Variants in PTGDR observed in about 807,000 individuals in gnomAD.
PTGDR encodes the protein prostaglandin D2 receptor.
Under a neutral mutation model 17.4 loss-of-function variants are expected in PTGDR, and 19 were observed. The observed-to-expected ratio is 1.09, with a 90% CI of 0.76 to 1.60. The LOEUF is 1.60. Among genes scored for constraint, PTGDR ranks in the 40% most tolerant of loss-of-function variants. The pLI, the probability that PTGDR is intolerant of heterozygous loss-of-function variation, is 0.00. For synonymous variants in PTGDR, 267 were observed against 224.2 expected, an observed-to-expected ratio of 1.19 and a Z score of -1.71; for missense variants, 526 against 481.9, an observed-to-expected ratio of 1.09 and a Z score of -0.86.
chr14:52,267,774 C>T lies in PTGDR; in HGVS notation c.-41C>T. The T allele has an allele frequency of 6.6e-7, 1 of 1,504,788 alleles. No individual in the cohort carries two copies. Among genetic ancestry groups the T allele is most frequent in the Non-Finnish European group, 8.9e-7 (1 of 1,129,066 alleles). 93.2% of individuals were successfully genotyped at this position (1,504,788 alleles called of 1,614,324 possible). A position where few individuals can be genotyped will look rare whatever the true frequency, so the allele number is the denominator to read the frequency against. On this transcript the variant is annotated 5_prime_UTR_variant, in exon 1 of 2. Transcript: ENST00000306051. ...AGCACCCGGGCGCCGGGGCCCTCGC[C>T]CTTCCGCAGCCTTCACTCCAGCCCT...
chr14:52,268,592 G>A lies in PTGDR; in HGVS notation c.778G>A (p.Glu260Lys). The change falls in exon 1 of 2, where the codon GAG becomes AAG. Residue 260 changes from glutamate to lysine, a missense_variant. By Grantham distance (56) the Glu-to-Lys change is moderately conservative (BLOSUM62 1). Coordinates refer to ENST00000306051, the MANE Select transcript of PTGDR (RefSeq NM_000953.3). ...GGAAGCGTCCCCTCAGCCCCTGGAG[G>A]AGCTGGATCACCTCCTGCTGCTGGC... Reference protein sequence around the residue: ...GREASPQPLEELDHLLLLALM... With the variant: ...GREASPQPLEKLDHLLLLALM... The A allele has an allele frequency of 6.2e-7, 1 of 1,611,228 alleles. No individual in the cohort carries two copies. Among genetic ancestry groups the A allele is most frequent in the Non-Finnish European group, 8.5e-7 (1 of 1,178,886 alleles).
chr14:52,277,555 C>A (rs1315387359), downstream of PTGDR, among the ~76,000 whole-genome samples: 1 of 152,186 alleles, frequency 6.6e-6, no homozygotes, highest in Non-Finnish European at 1.5e-5. Flanking sequence ...GTTCCCCTGG[C>A]GAGTTCGTAA....
At chr14:52,280,672 T>C (rs1001961000), downstream of PTGDR, among the ~76,000 whole-genome samples, 1 of 152,230 alleles carries the variant, frequency 6.6e-6, no homozygotes, top group African/African-American at 2.4e-5. Context: ...GCATATCTGA[T>C]TGTTTCCTCT....
intron 1 of PTGDR, among the ~76,000 whole-genome samples, chr14:52,274,166 C>T (rs930059226): frequency 4.7e-5 from 7 of 150,250 alleles, no homozygotes; most frequent in African/African-American, 1.7e-4. Context: ...GTATTTTTTT[C>T]CAAGTCATCT....
In PTGDR at chr14:52,268,071, C is replaced by T. The variant is rs201361583; in HGVS notation, c.257C>T (p.Ala86Val). The T allele has an allele frequency of 6.2e-7, 1 of 1,613,226 alleles. No homozygotes were observed. Among genetic ancestry groups the T allele is most frequent in the East Asian group, 2.2e-5 (1 of 44,874 alleles). The change falls in exon 1 of 2, where the codon GCC (alanine) becomes GTC (valine). Residue 86 changes from alanine to valine, a missense_variant. Physicochemically the swap from Ala to Val is moderately conservative, Grantham distance 64. Coordinates refer to ENST00000306051, the MANE Select transcript of PTGDR (RefSeq NM_000953.3). ...KCLLSPVVLA[A>V]YAQNRSLRVL... is the part of the protein sequence containing the mutation. ...CTCCTAAGCCCGGTGGTGCTGGCTG[C>T]CTACGCTCAGAACCGGAGTCTGCGG... is the stretch of plus-strand genomic sequence containing the variant.
At chr14:52,269,577 C>T in intron 1 of PTGDR, 2 of 1,450,190 alleles carry the variant, frequency 1.4e-6, no homozygotes, top group Non-Finnish European at 1.9e-6. Context: ...TACAGAAATT[C>T]CATTGCCAAT....
At chr14:52,277,758 T>C (rs2033447397), downstream of PTGDR, among the ~76,000 whole-genome samples, 1 of 152,210 alleles carries the variant, frequency 6.6e-6, no homozygotes, top group South Asian at 2.1e-4. Context: ...ACCTGTTGAA[T>C]CAGAATCTCT....
At chr14:52,271,717 G>A (rs893317076) in intron 1 of PTGDR, among the ~76,000 whole-genome samples, 1 of 152,204 alleles carries the variant, frequency 6.6e-6, no homozygotes, top group Non-Finnish European at 1.5e-5. Context: ...TATTCTTTGT[G>A]AAAGTGATGT....
At chr14:52,274,440 G>A (rs919900658) in intron 1 of PTGDR, among the ~76,000 whole-genome samples, 1 of 152,194 alleles carries the variant, frequency 6.6e-6, no homozygotes, top group Admixed American at 6.5e-5. Flanking sequence ...GCCTGGCAGG[G>A]ACCTAGAAAC....
At chr14:52,274,524 C>A (rs1245883943) in intron 1 of PTGDR, among the ~76,000 whole-genome samples, 2 of 152,148 alleles carry the variant, frequency 1.3e-5, no homozygotes, top group Non-Finnish European at 2.9e-5. Flanking sequence ...AGCTTCCTTC[C>A]CACCTCCCAG....
downstream of PTGDR, among the ~76,000 whole-genome samples, chr14:52,280,624 A>C (rs564613624): frequency 1.3e-5 from 2 of 152,342 alleles, no homozygotes; most frequent in Admixed American, 6.5e-5. Context: ...GGGACATAGG[A>C]GAGAACTCAG....
chr14:52,269,670 C>T, intron 1 of PTGDR: 1 of 769,120 alleles, frequency 1.3e-6, no homozygotes, highest in Non-Finnish European at 2.0e-6. Flanking sequence ...TTGGATATTA[C>T]TTTCAATGGT....
chr14:52,272,803 G>A (rs2033346036), intron 1 of PTGDR, among the ~76,000 whole-genome samples: 2 of 152,018 alleles, frequency 1.3e-5, no homozygotes, highest in African/African-American at 4.8e-5. Flanking sequence ...CCTCAAAATG[G>A]CATACACAGG....
At chr14:52,280,813 C>T (rs558551347), downstream of PTGDR, among the ~76,000 whole-genome samples, 87 of 152,330 alleles carry the variant, frequency 5.7e-4, no homozygotes, top group Non-Finnish European at 1.0e-3. Flanking sequence ...CTTCCCTTTC[C>T]CCTTTAGATA....
At chr14:52,273,461 C>T (rs2033360402) in intron 1 of PTGDR, among the ~76,000 whole-genome samples, 1 of 152,186 alleles carries the variant, frequency 6.6e-6, no homozygotes, top group South Asian at 2.1e-4. Flanking sequence ...AAAAATCATA[C>T]TCCAACAAAC....
downstream of PTGDR, among the ~76,000 whole-genome samples, chr14:52,277,243 A>G (rs911988213): frequency 1.4e-4 from 22 of 152,220 alleles, no homozygotes; most frequent in African/African-American, 2.2e-4. Flanking sequence ...CGCATTTACT[A>G]TTAGAAGAGG....
At position 52,276,028 on chromosome 14, in the gene PTGDR, T is replaced by C. The variant is rs1233863895; in HGVS notation, c.*1064T>C. 6.6e-6 allele frequency: 1 copy of C among 152,614 alleles called. No individual in the cohort carries two copies. Among genetic ancestry groups the C allele is most frequent in the Admixed American group, 6.5e-5 (1 of 15,284 alleles). 9.5% of individuals were successfully genotyped at this position (152,614 alleles called of 1,614,324 possible). A position where few individuals can be genotyped will look rare whatever the true frequency, so the allele number is the denominator to read the frequency against. On this transcript the variant is annotated 3_prime_UTR_variant, in exon 2 of 2. Coordinates refer to ENST00000306051, the MANE Select transcript of PTGDR (RefSeq NM_000953.3). ...AGATCTTAGGTTCCAAGATTTTACT[T>C]CAAATTACACCTTCAAAACTGGAGC... is the stretch of plus-strand genomic sequence containing the variant.
chr14:52,272,304 C>A (rs2033336172), intron 1 of PTGDR, among the ~76,000 whole-genome samples: 1 of 151,164 alleles, frequency 6.6e-6, no homozygotes, highest in African/African-American at 2.4e-5. Flanking sequence ...CCTGCCTCTA[C>A]AAAAAAAATA....
chr14:52,269,901 T>C (rs41312454), intron 1 of PTGDR, among the ~76,000 whole-genome samples: 225 of 152,122 alleles, frequency 1.5e-3, no homozygotes, highest in Middle Eastern at 6.8e-3. Context: ...GCAAGGCTTC[T>C]AGAAAAAAAG....
Sources: gnomAD v4.1 joint callset for allele counts (sites outside exome capture counted in the v4.1 genomes callset) on GRCh38, gnomAD v4.1.1 for gene constraint, MANE v1.5 for transcripts, NCBI Gene and HGNC (gene_info 2026-07-23, HGNC 2026-07-21) for gene names.